BRINP3: variants seen among roughly 807,000 people sequenced by gnomAD.
The protein encoded by BRINP3 is BMP/retinoic acid-inducible neural-specific protein 3.
A neutral mutation model predicts 71.0 loss-of-function variants in BRINP3; 19 were observed. The observed-to-expected ratio is 0.27, with a 90% CI of 0.19 to 0.39. The LOEUF (loss-of-function observed/expected upper bound fraction) is 0.39, where lower values mean the gene tolerates loss of function less well. BRINP3 is among the 10% of genes least tolerant of loss of function. The probability of loss-of-function intolerance (pLI) is 1.00; values close to 1 mark genes in which losing one functional copy is unlikely to be tolerated. For synonymous variants in BRINP3, 380 were observed against 337.7 expected, an observed-to-expected ratio of 1.13 and a Z score of -1.37; for missense variants, 959 against 940.8, an observed-to-expected ratio of 1.02 and a Z score of -0.25.
intron 7 of BRINP3, among the ~76,000 whole-genome samples, chr1:190,156,782 G>T (rs567149671): frequency 8.5e-4 from 129 of 151,874 alleles, no homozygotes; most frequent in Non-Finnish European, 1.5e-3. Context: ...TAGAAGTTTT[G>T]GAAAACAAAG....
chr1:190,250,620 T>C (rs556106045), intron 4 of BRINP3, among the ~76,000 whole-genome samples: 1 of 152,054 alleles, frequency 6.6e-6, no homozygotes, highest in South Asian at 2.1e-4. Flanking sequence ...GTCAGCATTA[T>C]ATGTAATAGG....
chr1:190,157,699 T>C, intron 7 of BRINP3, among the ~76,000 whole-genome samples: 1 of 152,078 alleles, frequency 6.6e-6, no homozygotes, highest in Non-Finnish European at 1.5e-5. Flanking sequence ...AGGCATGGAA[T>C]GTTCCCTGGG....
chr1:190,333,358 C>G (rs997323761), intron 2 of BRINP3, among the ~76,000 whole-genome samples: 3 of 151,798 alleles, frequency 2.0e-5, no homozygotes, highest in Non-Finnish European at 4.4e-5. Context: ...TTGTTAATAA[C>G]ACTAAATTTA....
At chr1:190,100,105 G>T (rs1470952962) in intron 7 of BRINP3, among the ~76,000 whole-genome samples, 1 of 152,116 alleles carries the variant, frequency 6.6e-6, no homozygotes, top group Non-Finnish European at 1.5e-5. Flanking sequence ...AATGGGAATA[G>T]TAATATCGTC....
intron 6 of BRINP3, among the ~76,000 whole-genome samples, chr1:190,186,853 A>T (rs543186918): frequency 6.6e-6 from 1 of 152,230 alleles, no homozygotes; most frequent in African/African-American, 2.4e-5. Flanking sequence ...ATATTCTCCC[A>T]GTTTCAAGAT....
intron 7 of BRINP3, among the ~76,000 whole-genome samples, chr1:190,157,974 C>T (rs962730419): frequency 4.6e-5 from 7 of 152,030 alleles, no homozygotes; most frequent in South Asian, 2.1e-4. Flanking sequence ...AACATGAATG[C>T]AGCTTGAGGC....
In BRINP3 at chr1:190,460,617, A is replaced by G. The variant is rs150053251; in HGVS notation, c.-50-5677T>C. Among the ~76,000 whole-genome samples, 83 of 152,324 alleles carry G rather than the reference A, an allele frequency of 5.4e-4. No homozygotes were observed. In the East Asian group the frequency reaches 0.014, roughly 26 times the overall value. On this transcript the variant is annotated intron_variant, in intron 1 of 7. Coordinates refer to ENST00000367462, the MANE Select transcript of BRINP3 (RefSeq NM_199051.3). ...ACAGAGGTGGGCCTTAAGTCTTAAT[A>G]AAGATAGTGCTTCTAGCCTCAGGAA...
At chr1:190,332,584 G>C (rs188026911) in intron 2 of BRINP3, among the ~76,000 whole-genome samples, 12 of 152,120 alleles carry the variant, frequency 7.9e-5, no homozygotes, top group African/African-American at 2.9e-4. Context: ...CCAGCAGAAA[G>C]ACAGTCTTTC....
At chr1:190,223,950 TA>T (rs997688401) in intron 6 of BRINP3, among the ~76,000 whole-genome samples, 19 of 151,910 alleles carry the variant, frequency 1.3e-4, no homozygotes, top group African/African-American at 4.3e-4. Context: ...GAAAGATCTA[TA>T]TAAGAAAAAC....
chr1:190,462,027 C>A (rs952950514), intron 1 of BRINP3, among the ~76,000 whole-genome samples: 14 of 152,230 alleles, frequency 9.2e-5, no homozygotes, highest in African/African-American at 3.1e-4. Flanking sequence ...ATTCTCCTGC[C>A]TCAGCCTCCC....
chr1:190,208,684 G>A (rs1160761617), intron 6 of BRINP3, among the ~76,000 whole-genome samples: 5 of 151,678 alleles, frequency 3.3e-5, no homozygotes, highest in Non-Finnish European at 5.9e-5. Flanking sequence ...TAGTAGAGAC[G>A]GGATTTCACC....
chr1:190,375,415 G>A (rs971585728), intron 2 of BRINP3, among the ~76,000 whole-genome samples: 1 of 151,760 alleles, frequency 6.6e-6, no homozygotes, highest in Non-Finnish European at 1.5e-5. Context: ...AATCATAAAA[G>A]AAAATATTGA....
At chr1:190,422,581 C>G (rs559117019) in intron 2 of BRINP3, among the ~76,000 whole-genome samples, 3 of 151,752 alleles carry the variant, frequency 2.0e-5, no homozygotes, top group East Asian at 1.9e-4. Flanking sequence ...AGAAACATAC[C>G]AATCACCAGA....
At chr1:190,460,344 T>C (rs1676302960) in intron 1 of BRINP3, among the ~76,000 whole-genome samples, 1 of 151,310 alleles carries the variant, frequency 6.6e-6, no homozygotes, top group Non-Finnish European at 1.5e-5. Context: ...ATAATAATTA[T>C]TTTTTGATTA....
At position 190,347,132 on chromosome 1, in the gene BRINP3, C is replaced by T. The variant is rs1431678317; in HGVS notation, c.237-65382G>A. Among the ~76,000 whole-genome samples, 3 of 152,172 alleles carry T rather than the reference C, an allele frequency of 2.0e-5. No individual in the cohort carries two copies. The East Asian group carries it at 5.8e-4, about 29-fold the overall frequency. On this transcript the variant is annotated intron_variant, in intron 2 of 7. Transcript: ENST00000367462. ...GTTATTTATCAAAGGCTTATAGACA[C>T]TATAATTATTATTATTATCTTTTTC...
chr1:190,265,130 G>T, intron 3 of BRINP3, 75 bp from the exon 4 acceptor site: 2 of 1,319,230 alleles, frequency 1.5e-6, no homozygotes, highest in Non-Finnish European at 2.1e-6. Flanking sequence ...CAGGTGGAAA[G>T]GTCTAGCTTA....
intron 2 of BRINP3, among the ~76,000 whole-genome samples, chr1:190,403,989 T>C (rs1672103969): frequency 6.6e-6 from 1 of 152,186 alleles, no homozygotes; most frequent in Admixed American, 6.5e-5. Flanking sequence ...ATTTACAATA[T>C]GCCAGATAAT....
intron 2 of BRINP3, among the ~76,000 whole-genome samples, chr1:190,409,092 A>G (rs561816255): frequency 3.0e-4 from 45 of 152,078 alleles, no homozygotes; most frequent in Non-Finnish European, 6.2e-4. Context: ...TCAATGTTGT[A>G]GTGCTGAGGT....
intron 4 of BRINP3, among the ~76,000 whole-genome samples, chr1:190,244,869 A>G (rs1282455992): frequency 6.6e-6 from 1 of 152,078 alleles, no homozygotes; most frequent in Non-Finnish European, 1.5e-5. Flanking sequence ...AAAAATTTTC[A>G]ATTTCTCCTC....
Sources: allele counts gnomAD v4.1 joint callset (sites outside exome capture counted in the v4.1 genomes callset), GRCh38; gene constraint gnomAD v4.1.1; transcripts MANE v1.5; gene names NCBI Gene and HGNC (gene_info 2026-07-23, HGNC 2026-07-21).